The following GRTP1 variants were observed in gnomAD, a reference collection of about 807,000 sequenced individuals.
The protein encoded by GRTP1 is growth hormone regulated TBC protein 1.
A neutral mutation model predicts 38.1 loss-of-function variants in GRTP1; 56 were observed. The ratio of observed to expected loss-of-function variants is 1.47; its 90% confidence interval spans 1.19 to 1.84. GRTP1 has a LOEUF of 1.84. Among genes scored for constraint, GRTP1 ranks in the 40% most tolerant of loss-of-function variants. The pLI is 0.00. For missense variants in GRTP1, 506 were observed against 453.9 expected, an observed-to-expected ratio of 1.11 and a Z score of -1.04; for synonymous variants, 217 against 189.5, an observed-to-expected ratio of 1.14 and a Z score of -1.19.
At chr13:113,359,218 G>A (rs1049251625) in intron 2 of GRTP1, among the ~76,000 whole-genome samples, 2 of 152,240 alleles carry the variant, frequency 1.3e-5, no homozygotes, top group Admixed American at 6.5e-5. Context: ...TCAGTGATGT[G>A]AGCAGTGGGC....
At chr13:113,329,042 A>G (rs1394311460) in intron 5 of GRTP1, among the ~76,000 whole-genome samples, 1 of 152,258 alleles carries the variant, frequency 6.6e-6, no homozygotes, top group East Asian at 1.9e-4. Flanking sequence ...CCCAGGCGCC[A>G]GCCACGCTTT....
rs1394541176 is a variant in GRTP1, at chr13:113,349,657, T to A, written c.465+1192A>T. 1.3e-5 allele frequency among the ~76,000 whole-genome samples: 2 copies of A among 152,198 alleles called. No homozygotes were observed. The highest frequency in any genetic ancestry group is 2.4e-5 in the African/African-American group (1 of 41,468). ...CGTGGAACAGCTGGTGAGGACAGCG[T>A]GGTCCCGTGGCTCTGCTGCTGGCCT... On this transcript the variant is annotated intron_variant, in intron 4 of 7. Transcript: ENST00000375431. This position sits in a 1 kb window ranked among gnomAD's most constrained non-coding sequence, Gnocchi z 5.0.
At chr13:113,332,440 G>A (rs904551597) in intron 5 of GRTP1, among the ~76,000 whole-genome samples, 3 of 107,258 alleles carry the variant, frequency 2.8e-5, no homozygotes, top group Non-Finnish European at 6.0e-5. Context: ...AGGCACACAC[G>A]TGCACACGCA....
chr13:113,333,421 G>A (rs541273272), intron 5 of GRTP1, among the ~76,000 whole-genome samples: 2 of 152,326 alleles, frequency 1.3e-5, no homozygotes, highest in South Asian at 2.1e-4. Flanking sequence ...TGCACCGTAC[G>A]CTTGAAATGG....
intron 5 of GRTP1, among the ~76,000 whole-genome samples, chr13:113,335,437 A>C (rs1031746565): frequency 2.5e-5 from 1 of 39,692 alleles, no homozygotes; most frequent in African/African-American, 7.8e-5. Flanking sequence ...AAAACAAAAA[A>C]CAAAAACCTG....
chr13:113,345,116 C>T (rs563176257), intron 4 of GRTP1, 157 bp from the exon 5 acceptor site: 2 of 295,486 alleles, frequency 6.8e-6, no homozygotes, highest in East Asian at 1.7e-4. Context: ...ACTCTAGAGT[C>T]ACTAAATACC....
intron 5 of GRTP1, among the ~76,000 whole-genome samples, chr13:113,333,959 T>C (rs1286133385): frequency 1.3e-5 from 2 of 150,268 alleles, no homozygotes; most frequent in African/African-American, 4.9e-5. Flanking sequence ...CTCAGCCTCC[T>C]GAGTAGCTGG....
intron 4 of GRTP1, among the ~76,000 whole-genome samples, chr13:113,350,444 C>CCCCACAGCGCACGCA (rs368676641): frequency 8.2e-6 from 1 of 122,194 alleles, no homozygotes; most frequent in Non-Finnish European, 1.7e-5. Context: ...AGCGCACGCA[C>CCCCACAGCGCACGCA]CCCACAGCGC....
Position 113,325,991 on chromosome 13 carries a change from A to G in GRTP1, c.663T>C (p.Arg221=), listed in dbSNP as rs1448838266. The G allele has an allele frequency of 6.8e-6, 11 of 1,613,688 alleles. No individual in the cohort carries two copies. In the East Asian group the frequency reaches 2.5e-4, roughly 36 times the overall value. Reference sequence around the variant, plus strand: ...CCAGCAGCGTCCACAGCACACCGAGACGCTCCATCAGGGCCCCCACAGCCG... The same window carrying G: ...CCAGCAGCGTCCACAGCACACCGAGGCGCTCCATCAGGGCCCCCACAGCCG... ...KLPAVGALME[R]LGVLWTLLVS... The change falls in exon 6 of 8, where the codon CGT becomes CGC. Residue 221 remains arginine, a synonymous_variant. Transcript: ENST00000375431.
rs9603827 is a variant in GRTP1, at chr13:113,342,130, G to A, written c.562+2733C>T. 0.24 allele frequency among the ~76,000 whole-genome samples: 36,133 copies of A among 151,930 alleles called. 5,914 individuals are homozygous for A. Among genetic ancestry groups the A allele is most frequent in the African/African-American group, 0.46 (19,158 of 41,410 alleles). ...TCTAATTTTTGTATTTTTAGTGGAG[G>A]TGGGGTTTTGCCATGTTGGCCAGGC... On this transcript the variant is annotated intron_variant, in intron 5 of 7. Transcript: ENST00000375431. The surrounding 1 kb of genome is among the most constrained non-coding windows in gnomAD (Gnocchi z 4.5).
intron 4 of GRTP1, among the ~76,000 whole-genome samples, chr13:113,345,725 A>G (rs1234678086): frequency 3.9e-5 from 6 of 152,260 alleles, no homozygotes; most frequent in African/African-American, 1.4e-4. Flanking sequence ...GGCTTCAGTC[A>G]CACAGGGATG....
At chr13:113,362,639 G>A (rs997301312) in intron 2 of GRTP1, among the ~76,000 whole-genome samples, 1 of 152,034 alleles carries the variant, frequency 6.6e-6, no homozygotes, top group Non-Finnish European at 1.5e-5. Flanking sequence ...ATAAATAAAA[G>A]CAAAAGTTGA....
intron 5 of GRTP1, among the ~76,000 whole-genome samples, chr13:113,326,823 AT>A (rs2139391449): frequency 6.6e-6 from 1 of 152,322 alleles, no homozygotes; most frequent in East Asian, 1.9e-4. Flanking sequence ...CAACATGTGA[AT>A]GTCCACACGA....
intron 3 of GRTP1, among the ~76,000 whole-genome samples, chr13:113,352,626 T>C (rs938166404): frequency 1.3e-5 from 2 of 152,022 alleles, no homozygotes; most frequent in Non-Finnish European, 2.9e-5. Context: ...TCCGCCTGCC[T>C]CAGCTTCCCG....
chr13:113,332,055 G>A (rs1329468005), intron 5 of GRTP1, among the ~76,000 whole-genome samples: 3 of 151,548 alleles, frequency 2.0e-5, no homozygotes, highest in Non-Finnish European at 4.4e-5. Context: ...GATTGCTTGA[G>A]CCCAGGAGTT....
chr13:113,346,229 C>T (rs1020098039), intron 4 of GRTP1, among the ~76,000 whole-genome samples: 4 of 96,084 alleles, frequency 4.2e-5, no homozygotes, highest in Admixed American at 1.1e-4. Context: ...TGGCTGAGAA[C>T]AGACCCGGGA....
At chr13:113,324,933 TCTCGTG>T in intron 7 of GRTP1, 1 of 578,218 alleles carries the variant, frequency 1.7e-6, no homozygotes, top group South Asian at 5.4e-5. Context: ...TTCAAGTGAT[TCTCGTG>T]CCTCAGCCTC....
At chr13:113,363,127 A>AGGCG (rs1459857781) in intron 2 of GRTP1, among the ~76,000 whole-genome samples, 1 of 152,164 alleles carries the variant, frequency 6.6e-6, no homozygotes, top group Non-Finnish European at 1.5e-5. Context: ...GCTAACCCCG[A>AGGCG]GGCGGGCGGG....
rs540790968 is a variant in GRTP1 at position 113,355,475 on chromosome 13, C to T, written c.188G>A (p.Arg63His). 1.2e-6 allele frequency: 2 copies of T among 1,608,844 alleles called. No individual in the cohort carries two copies. The highest frequency in any genetic ancestry group is 1.7e-6 in the Non-Finnish European group (2 of 1,176,504). ...GGVPRSRTVKRYVRKGVPLEH... is the reference protein window; with the variant it reads ...GGVPRSRTVKHYVRKGVPLEH... ...CAGCGGGACCCCTTTCCGGACATAG[C>T]GCTTCACTGAAGGCCGAGAGGACGG... Residue 63 changes from arginine (R) to histidine (H), a missense_variant, in exon 3 of 8, where the codon CGC becomes CAC. Coordinates refer to ENST00000375431, the MANE Select transcript of GRTP1 (RefSeq NM_024719.4).
Sources: allele counts gnomAD v4.1 joint callset (sites outside exome capture counted in the v4.1 genomes callset), GRCh38; gene constraint gnomAD v4.1.1; non-coding constraint Gnocchi (gnomAD v3.1); transcripts MANE v1.5; gene names NCBI Gene and HGNC (gene_info 2026-07-23, HGNC 2026-07-21).